SHROOM2: variants seen among roughly 807,000 people sequenced by gnomAD.
SHROOM2 encodes the protein shroom family member 2, also known as protein Shroom2.
Under a neutral mutation model 75.9 loss-of-function variants are expected in SHROOM2, and 33 were observed. That is an observed-to-expected ratio of 0.43 (90% CI 0.33 to 0.58). The LOEUF (loss-of-function observed/expected upper bound fraction) is 0.58, where lower values mean the gene tolerates loss of function less well. SHROOM2 is among the 20% of genes least tolerant of loss of function. The pLI, the probability that SHROOM2 is intolerant of heterozygous loss-of-function variation, is 0.04. For missense variants in SHROOM2, 1,434 were observed against 1,461.2 expected (o/e 0.98, Z 0.30); for synonymous variants, 655 against 663.6 (o/e 0.99, Z 0.20).
chrX:9,881,475 A>G (rs1284172879), intron 2 of SHROOM2, among the ~76,000 whole-genome samples: 1 of 111,774 alleles, frequency 8.9e-6, no homozygotes, highest in East Asian at 2.8e-4. Context: ...GAAGATTTTT[A>G]TCAGCCATTC....
rs191132898 is a variant in SHROOM2 at position 9,848,819 on chromosome X, T to A, written c.166-24833T>A. ...TTAGGGGAAGCTCTCAATAGTAACG[T>A]GTGCTGAGAACCAGCTGGTGCCCTG... On this transcript the variant is annotated intron_variant, in intron 1 of 9. Coordinates refer to ENST00000380913, the MANE Select transcript of SHROOM2 (RefSeq NM_001649.4). Among the ~76,000 whole-genome samples the A allele has an allele frequency of 1.7e-4, 19 of 111,368 alleles. No homozygotes were observed. In the East Asian group the frequency reaches 5.4e-3, roughly 31 times the overall value.
intron 1 of SHROOM2, among the ~76,000 whole-genome samples, chrX:9,859,526 A>G (rs187662553): frequency 8.1e-5 from 9 of 111,379 alleles, no homozygotes; most frequent in Non-Finnish European, 1.3e-4. Context: ...AGGCTGGGAG[A>G]TGTACAGAGT....
intron 1 of SHROOM2, among the ~76,000 whole-genome samples, chrX:9,812,129 A>G (rs980874533): frequency 2.7e-5 from 3 of 111,747 alleles, no homozygotes; most frequent in Non-Finnish European, 5.6e-5. Context: ...CTTTATCTCA[A>G]AAGGAGAGTA....
chrX:9,838,008 C>CT (rs2083956658), intron 1 of SHROOM2, among the ~76,000 whole-genome samples: 1 of 107,701 alleles, frequency 9.3e-6, no homozygotes, highest in Non-Finnish European at 1.9e-5. Flanking sequence ...AGCAAGAGCA[C>CT]TGAGTAAGCT....
At chrX:9,902,291 A>T (rs908328956) in intron 5 of SHROOM2, among the ~76,000 whole-genome samples, 4 of 108,943 alleles carry the variant, frequency 3.7e-5, no homozygotes, top group African/African-American at 1.3e-4. Flanking sequence ...GGGTGGATAG[A>T]TGGATGGATA....
At chrX:9,905,161 A>T (rs931863146) in intron 5 of SHROOM2, among the ~76,000 whole-genome samples, 8 of 112,161 alleles carry the variant, frequency 7.1e-5, no homozygotes, top group African/African-American at 1.9e-4. Flanking sequence ...CACCCAGCCA[A>T]TGTGTTCATT....
intron 6 of SHROOM2, among the ~76,000 whole-genome samples, chrX:9,935,334 A>ATTC (rs1323818412): frequency 1.0e-5 from 1 of 96,873 alleles, no homozygotes; most frequent in Non-Finnish European, 2.0e-5. Flanking sequence ...TATTATTATT[A>ATTC]TTTATTATTA....
At chrX:9,850,817 A>G (rs12849085) in intron 1 of SHROOM2, among the ~76,000 whole-genome samples, 2 of 93,337 alleles carry the variant, frequency 2.1e-5, no homozygotes, top group South Asian at 5.3e-4. Context: ...GGGCTAGCGG[A>G]TAAGACTCTG....
chrX:9,942,795 T>C (rs2147065633), intron 8 of SHROOM2, among the ~76,000 whole-genome samples: 1 of 110,820 alleles, frequency 9.0e-6, no homozygotes, highest in African/African-American at 3.3e-5. Flanking sequence ...AGAAATGTGA[T>C]TGGACAAAAA....
intron 1 of SHROOM2, among the ~76,000 whole-genome samples, chrX:9,852,225 A>G (rs1235563655): frequency 8.8e-6 from 1 of 113,009 alleles, no homozygotes; most frequent in Non-Finnish European, 1.9e-5. Context: ...CCTCCGGGCA[A>G]CATATTTGGC....
chrX:9,809,255 T>C (rs1393577194), intron 1 of SHROOM2, among the ~76,000 whole-genome samples: 1 of 110,271 alleles, frequency 9.1e-6, no homozygotes, highest in Non-Finnish European at 1.9e-5. Context: ...GAACCTGGAG[T>C]CTGATGTTTG....
Position 9,932,652 on chromosome X carries a change from C to T in SHROOM2, c.3369C>T (p.Pro1123=). 8.3e-7 allele frequency: 1 copy of T among 1,211,101 alleles called. No homozygotes were observed. Among genetic ancestry groups the T allele is most frequent in the South Asian group, 1.8e-5 (1 of 56,874 alleles). The change falls in exon 6 of 10, where the codon CCC becomes CCT. Residue 1123 remains proline, a synonymous_variant. Transcript: ENST00000380913. The stretch of plus-strand genomic sequence containing the variant: ...CCTCTGTGTTCAGCAGTGCCCAGCC[C>T]CAGGACACCCCGAAGGCCACTGTCT... ...HSPSVFSSAQ[P]QDTPKATVCE... is the part of the protein sequence containing the mutation.
At chrX:9,884,924 C>G (rs1331955693) in intron 2 of SHROOM2, among the ~76,000 whole-genome samples, 1 of 111,221 alleles carries the variant, frequency 9.0e-6, no homozygotes, top group Admixed American at 9.6e-5. Flanking sequence ...ATGATAATGG[C>G]CTGGGCTGGG....
In SHROOM2 at chrX:9,947,041, A is replaced by T; in HGVS notation, c.*104A>T. ...ATCTGTGTTCATGGCCTGGAAAGAGACTTCTCCCATAGCAAAGAGGCTGTT... is the reference window on the plus strand; with the variant it reads ...ATCTGTGTTCATGGCCTGGAAAGAGTCTTCTCCCATAGCAAAGAGGCTGTT... On this transcript the variant is annotated 3_prime_UTR_variant, in exon 10 of 10. Transcript: ENST00000380913. 1.2e-6 allele frequency: 1 copy of T among 803,926 alleles called. No individual in the cohort carries two copies. The highest frequency in any genetic ancestry group is 1.7e-6 in the Non-Finnish European group (1 of 574,081). The allele number at this position is 803,926 out of a possible 1,213,427, so 66.3% of individuals were successfully genotyped here. A position where few individuals can be genotyped will look rare whatever the true frequency, so the allele number is the denominator to read the frequency against.
In SHROOM2 at chrX:9,890,643, A is replaced by G. The variant is rs190111822; in HGVS notation, c.318-334A>G. On this transcript the variant is annotated intron_variant, in intron 2 of 9. Transcript: ENST00000380913. ...CGCGCACGCGCTGCTTGCGGTCCCC[A>G]AGCCCCCTGCACTGTTTGGCACGAG... Among the ~76,000 whole-genome samples the G allele has an allele frequency of 3.8e-3, 418 of 109,530 alleles. 1 individual carries two copies. Among genetic ancestry groups the G allele is most frequent in the Non-Finnish European group, 5.3e-3 (275 of 52,205 alleles).
At chrX:9,924,326 C>G (rs1225193543) in intron 5 of SHROOM2, among the ~76,000 whole-genome samples, 1 of 112,556 alleles carries the variant, frequency 8.9e-6, no homozygotes, top group African/African-American at 3.2e-5. Flanking sequence ...TGCTGATGCT[C>G]ACAGTCTGGA....
intron 4 of SHROOM2, 67 bp downstream of exon 4, chrX:9,896,765 A>G: frequency 6.7e-6 from 7 of 1,050,166 alleles, no homozygotes; most frequent in Non-Finnish European, 8.8e-6. Context: ...CCCAGAATGC[A>G]GTGGCTGACG....
intron 5 of SHROOM2, among the ~76,000 whole-genome samples, chrX:9,914,043 GCCTCCA>G (rs2084460188): frequency 9.5e-6 from 1 of 105,609 alleles, no homozygotes; most frequent in Admixed American, 1.0e-4. Context: ...CTGTTTCTCC[GCCTCCA>G]CCTGCGCCCA....
intron 1 of SHROOM2, among the ~76,000 whole-genome samples, chrX:9,792,044 T>C (rs373108571): frequency 1.3e-4 from 3 of 23,941 alleles, no homozygotes; most frequent in Admixed American, 1.1e-3. Context: ...TAGAATAGAA[T>C]AGAATAGAAT....
Sources: gnomAD v4.1 joint callset for allele counts (sites outside exome capture counted in the v4.1 genomes callset) on GRCh38, gnomAD v4.1.1 for gene constraint, MANE v1.5 for transcripts, NCBI Gene and HGNC (gene_info 2026-07-23, HGNC 2026-07-21) for gene names.